PCDHGB1: variants seen among roughly 807,000 people sequenced by gnomAD.
PCDHGB1 encodes the protein protocadherin gamma subfamily B, 1, also known as protocadherin gamma-B1.
A neutral mutation model predicts 56.6 loss-of-function variants in PCDHGB1; 34 were observed. That is an observed-to-expected ratio of 0.60 (90% CI 0.46 to 0.80). The LOEUF (loss-of-function observed/expected upper bound fraction) is 0.80, where lower values mean the gene tolerates loss of function less well. PCDHGB1 is among the 30% of genes least tolerant of loss of function. The pLI is 0.00. For missense variants in PCDHGB1, 1,278 were observed against 1,204.6 expected, an observed-to-expected ratio of 1.06 and a Z score of -0.90; for synonymous variants, 561 against 505.9, an observed-to-expected ratio of 1.11 and a Z score of -1.46.
rs375101471 is a variant in PCDHGB1 at position 141,365,778 on chromosome 5, A to G, written c.2409+13109A>G. 86 of 1,613,764 alleles carry G rather than the reference A, an allele frequency of 5.3e-5. No homozygotes were observed. The highest frequency in any genetic ancestry group is 6.9e-5 in the Non-Finnish European group (82 of 1,179,892). ...ACAGCCCATGACCCCGACAGCGGCG[A>G]CAACGCTCGAGTCACCTACTCCCTG... On this transcript the variant is annotated intron_variant, in intron 1 of 3. Coordinates refer to ENST00000523390, the MANE Select transcript of PCDHGB1 (RefSeq NM_018922.3).
At chr5:141,423,237 C>A in intron 1 of PCDHGB1, 1 of 1,613,916 alleles carries the variant, frequency 6.2e-7, no homozygotes, top group Non-Finnish European at 8.5e-7. Context: ...ACAGCATCCC[C>A]GAAGTCCTGG....
At position 141,415,363 on chromosome 5, in the gene PCDHGB1, C is replaced by T. The variant is rs62378454; in HGVS notation, c.2409+62694C>T. 7,186 of 1,614,240 alleles carry T rather than the reference C, an allele frequency of 4.5e-3. 30 individuals carry two copies. Among genetic ancestry groups the T allele is most frequent in the South Asian group, 5.6e-3 (509 of 91,092 alleles). Reference sequence around the variant, plus strand: ...GCGCTGGCACAAGTCACGCCTGCTGCAGGCTTCAGGAGGCGGCTTGACAGG... The same window carrying T: ...GCGCTGGCACAAGTCACGCCTGCTGTAGGCTTCAGGAGGCGGCTTGACAGG... On this transcript the variant is annotated intron_variant, in intron 1 of 3. Transcript: ENST00000523390.
rs2150230162 is a variant in PCDHGB1, at chr5:141,383,367, G to T, written c.2409+30698G>T. The T allele has an allele frequency of 1.9e-6, 3 of 1,614,030 alleles. No individual in the cohort carries two copies. The East Asian group carries it at 6.7e-5, about 36-fold the overall frequency. ...CTGGGGTTCGGTTTCCGTTAAGCGA[G>T]GCTGGGGATCCAGATGTGGGCACGA... On this transcript the variant is annotated intron_variant, in intron 1 of 3. Transcript: ENST00000523390.
At chr5:141,383,946 G>A (rs1023403145) in intron 1 of PCDHGB1, 3 of 1,613,696 alleles carry the variant, frequency 1.9e-6, no homozygotes, top group Non-Finnish European at 2.5e-6. Flanking sequence ...AAGTGACTAT[G>A]ACGTCTTTAA....
At position 141,500,368 on chromosome 5, in the gene PCDHGB1, C is replaced by T. The variant is rs181410708; in HGVS notation, c.2469-5025C>T. Among the ~76,000 whole-genome samples, 364 of 152,050 alleles carry T rather than the reference C, an allele frequency of 2.4e-3. 3 individuals carry two copies. The highest frequency in any genetic ancestry group is 9.2e-3 in the Admixed American group (140 of 15,274). ...GGACTACAGGCGCCCACTACCACGCCCGGCTAATTATTTTGTATTTTTAGT... is the reference window on the plus strand; with the variant it reads ...GGACTACAGGCGCCCACTACCACGCTCGGCTAATTATTTTGTATTTTTAGT... On this transcript the variant is annotated intron_variant, in intron 2 of 3. Transcript: ENST00000523390.
chr5:141,508,994 A>G (rs2099873731), intron 3 of PCDHGB1, among the ~76,000 whole-genome samples: 1 of 152,052 alleles, frequency 6.6e-6, no homozygotes, highest in South Asian at 2.1e-4. Flanking sequence ...CAGCTGGGGT[A>G]GGAGAGGAGG....
Position 141,386,264 on chromosome 5 carries a change from A to T in PCDHGB1, c.2409+33595A>T, listed in dbSNP as rs115810695. Among the ~76,000 whole-genome samples the T allele has an allele frequency of 6.0e-3, 910 of 152,346 alleles. 6 individuals are homozygous for T. Among genetic ancestry groups the T allele is most frequent in the African/African-American group, 0.02 (846 of 41,566 alleles). On this transcript the variant is annotated intron_variant, in intron 1 of 3. Coordinates refer to ENST00000523390, the MANE Select transcript of PCDHGB1 (RefSeq NM_018922.3). ...TTGGAAATAACCCAATCTGGGATTA[A>T]CTACTTCCATATTCTTTTGTATAAC...
At chr5:141,478,717 C>T (rs1381812771) in intron 1 of PCDHGB1, 1 of 1,545,032 alleles carries the variant, frequency 6.5e-7, no homozygotes, top group South Asian at 1.2e-5. Context: ...GAGATGGTGG[C>T]CTGCCAGAGT....
rs1253223100 is a variant in PCDHGB1 at position 141,493,049 on chromosome 5, T to C, written c.2410-1758T>C. Among the ~76,000 whole-genome samples the C allele has an allele frequency of 6.6e-6, 1 of 152,188 alleles. No homozygotes were observed. Among genetic ancestry groups the C allele is most frequent in the Non-Finnish European group, 1.5e-5 (1 of 68,032 alleles). Reference sequence around the variant, plus strand: ...GCCCTTATGTGTGAGGAAACTACAATAGTAAAAAACACAAGTTTCTCCAAC... The same window carrying C: ...GCCCTTATGTGTGAGGAAACTACAACAGTAAAAAACACAAGTTTCTCCAAC... On this transcript the variant is annotated intron_variant, in intron 1 of 3. Transcript: ENST00000523390. This position sits in a 1 kb window ranked among gnomAD's most constrained non-coding sequence, Gnocchi z 4.3.
intron 1 of PCDHGB1, chr5:141,394,458 A>C (rs776488659): frequency 6.2e-7 from 1 of 1,614,100 alleles, no homozygotes; most frequent in Non-Finnish European, 8.5e-7. Context: ...CATGTCACTG[A>C]GCCTGTTCGT....
chr5:141,375,296 G>A lies in PCDHGB1; in HGVS notation c.2409+22627G>A, dbSNP rs1771320516. ...ATCAGTTGGCAATTATTATCGATTA[G>A]TGACAAATGCAGCTCTAGACCGGGA... On this transcript the variant is annotated intron_variant, in intron 1 of 3. Transcript: ENST00000523390. 5 of 1,613,828 alleles carry A rather than the reference G, an allele frequency of 3.1e-6. No homozygotes were observed. The South Asian group carries it at 4.4e-5, about 14-fold the overall frequency.
chr5:141,448,511 A>C (rs2098593334), intron 1 of PCDHGB1, among the ~76,000 whole-genome samples: 1 of 152,076 alleles, frequency 6.6e-6, no homozygotes, highest in Admixed American at 6.6e-5. Context: ...ACATTTTATA[A>C]CTTTATTAAG....
At chr5:141,429,571 A>G (rs1221285032) in intron 1 of PCDHGB1, among the ~76,000 whole-genome samples, 2 of 152,156 alleles carry the variant, frequency 1.3e-5, no homozygotes, top group Non-Finnish European at 2.9e-5. Flanking sequence ...ATTCAGTTAC[A>G]TTTACTTTTG....
chr5:141,366,425 G>A, intron 1 of PCDHGB1: 1 of 1,614,148 alleles, frequency 6.2e-7, no homozygotes, highest in South Asian at 1.1e-5. Context: ...GGCAGTGGCT[G>A]CAGTCTCCTG....
At chr5:141,452,354 G>C (rs2154563893) in intron 1 of PCDHGB1, among the ~76,000 whole-genome samples, 1 of 152,240 alleles carries the variant, frequency 6.6e-6, no homozygotes, top group Non-Finnish European at 1.5e-5. Flanking sequence ...TTATCCAAAA[G>C]CCTTGCTTCA....
chr5:141,406,647 A>G (rs2094834813), intron 1 of PCDHGB1, among the ~76,000 whole-genome samples: 1 of 152,182 alleles, frequency 6.6e-6, no homozygotes, highest in Non-Finnish European at 1.5e-5. Context: ...TAATTTCCTA[A>G]TGCTTTAATG....
chr5:141,382,477 A>C (rs906879449), intron 1 of PCDHGB1, among the ~76,000 whole-genome samples: 5 of 152,240 alleles, frequency 3.3e-5, no homozygotes, highest in African/African-American at 1.2e-4. Context: ...ATTATCTAAG[A>C]TTATCAAACA....
intron 1 of PCDHGB1, chr5:141,478,233 TG>T (rs1467423955): frequency 3.7e-6 from 6 of 1,614,126 alleles, no homozygotes; most frequent in Non-Finnish European, 5.1e-6. Flanking sequence ...GTGGGGTTTG[TG>T]GTCACAGTGT....
At chr5:141,371,108 C>T (rs754711722) in intron 1 of PCDHGB1, 1 of 1,613,760 alleles carries the variant, frequency 6.2e-7, no homozygotes, top group African/African-American at 1.3e-5. Context: ...CAAATGATAA[C>T]CCCCCAGTAT....
Sources: allele counts gnomAD v4.1 joint callset (sites outside exome capture counted in the v4.1 genomes callset), GRCh38; gene constraint gnomAD v4.1.1; non-coding constraint Gnocchi (gnomAD v3.1); transcripts MANE v1.5; gene names NCBI Gene and HGNC (gene_info 2026-07-23, HGNC 2026-07-21).